Variants in SH3YL1 observed in about 807,000 individuals in gnomAD.
SH3YL1 encodes SH3 and SYLF domain containing 1, also known as SH3 domain-containing YSC84-like protein 1.
SH3YL1 carries 41 observed loss-of-function variants against 45.8 expected under a neutral mutation model. The ratio of observed to expected loss-of-function variants is 0.89; its 90% CI spans 0.70 to 1.16. The LOEUF (loss-of-function observed/expected upper bound fraction) is 1.16, where lower values mean the gene tolerates loss of function less well. Ranked by LOEUF, SH3YL1 falls within the 50% of genes most tolerant of loss-of-function variation. The pLI is 0.00. For missense variants in SH3YL1, 389 were observed against 409.6 expected (o/e 0.95, Z 0.43); for synonymous variants, 152 against 151.4 (o/e 1.00, Z -0.03).
intron 4 of SH3YL1, chr2:240,732 T>C (rs1182672965): frequency 6.6e-6 from 1 of 152,254 alleles, no homozygotes; most frequent in African/African-American, 2.4e-5. Flanking sequence ...GTAATACCAA[T>C]GGAGACAAAC....
intron 8 of SH3YL1, among the ~76,000 whole-genome samples, chr2:229,389 A>G (rs1302246553): frequency 6.6e-6 from 1 of 152,232 alleles, no homozygotes; most frequent in East Asian, 1.9e-4. Flanking sequence ...TGGCACAGAA[A>G]ATAAATGAGA....
At chr2:230,698 G>A (rs796286455) in intron 7 of SH3YL1, 8 of 302,886 alleles carry the variant, frequency 2.6e-5, no homozygotes, top group South Asian at 2.5e-4. Flanking sequence ...TGGTAGAGAG[G>A]GGGTTTTGCC....
intron 4 of SH3YL1, among the ~76,000 whole-genome samples, chr2:246,187 C>G (rs1387825426): frequency 6.7e-6 from 1 of 150,238 alleles, no homozygotes; most frequent in Admixed American, 6.6e-5. Flanking sequence ...AAGAGTGAAA[C>G]TCCATCTCAA....
At position 243,510 on chromosome 2, in the gene SH3YL1, T is replaced by C. The variant is rs865956213; in HGVS notation, c.291+4028A>G. The C allele has an allele frequency of 3.2e-6, 5 of 1,539,504 alleles. 1 individual carries two copies. In the Middle Eastern group the frequency reaches 8.4e-4, roughly 260 times the overall value. Reference sequence around the variant, plus strand: ...AATGAAGACACAACATACCCACACTTATGGAAGGCAGCCAGGGCAATGCTC... The same window carrying C: ...AATGAAGACACAACATACCCACACTCATGGAAGGCAGCCAGGGCAATGCTC... On this transcript the variant is annotated intron_variant, in intron 4 of 9. Transcript: ENST00000356150.
At chr2:242,581 A>G (rs1489201983) in intron 4 of SH3YL1, among the ~76,000 whole-genome samples, 3 of 152,304 alleles carry the variant, frequency 2.0e-5, no homozygotes, top group African/African-American at 7.2e-5. Flanking sequence ...TGAAAACAGT[A>G]AAGTGGAAAC....
chr2:218,923 G>T lies in SH3YL1; in HGVS notation c.917C>A (p.Ala306Asp), dbSNP rs1462633325. ...TGATATAACTGTGATTCTGTCTCCA[G>T]CTTGAAAATTCAAATCCCCAGGCTG... Reference protein sequence around the residue: ...GQQPGDLNFQAGDRITVISKT... With the variant: ...GQQPGDLNFQDGDRITVISKT... Residue 306 changes from alanine to aspartate, a missense_variant, in exon 10 of 10, where the codon GCT becomes GAT. Physicochemically the swap from Ala to Asp is moderately radical, Grantham distance 126 (BLOSUM62 -2). Coordinates refer to ENST00000356150, the MANE Select transcript of SH3YL1 (RefSeq NM_015677.4). 1 of 1,613,908 alleles carries T rather than the reference G, an allele frequency of 6.2e-7. No homozygotes were observed. Among genetic ancestry groups the T allele is most frequent in the Non-Finnish European group, 8.5e-7 (1 of 1,179,980 alleles).
At position 258,799 on chromosome 2, in the gene SH3YL1, G is replaced by C. The variant is rs1669467423; in HGVS notation, c.1+5185C>G. Among the ~76,000 whole-genome samples the C allele has an allele frequency of 2.6e-5, 4 of 152,294 alleles. 1 individual carries two copies. The South Asian group carries it at 8.3e-4, about 32-fold the overall frequency. ...CTGTCCCCAGCCTGATGCAAGCACTGTGAATAGTTCACCTCAAAGCTTCAT... is the reference window on the plus strand; with the variant it reads ...CTGTCCCCAGCCTGATGCAAGCACTCTGAATAGTTCACCTCAAAGCTTCAT... On this transcript the variant is annotated intron_variant, in intron 1 of 9. Coordinates refer to ENST00000356150, the MANE Select transcript of SH3YL1 (RefSeq NM_015677.4).
At position 224,919 on chromosome 2, in the gene SH3YL1, A is replaced by G. The variant is rs2290911; in HGVS notation, c.783T>C (p.Ser261=). 525,037 of 1,604,318 alleles carry G rather than the reference A, an allele frequency of 0.33. 88,725 individuals are homozygous for G. Among genetic ancestry groups the G allele is most frequent in the Non-Finnish European group, 0.35 (405,445 of 1,171,644 alleles). Residue 261 remains serine, a splice_region_variant and synonymous_variant, in exon 9 of 10, where the codon AGT becomes AGC. Coordinates refer to ENST00000356150, the MANE Select transcript of SH3YL1 (RefSeq NM_015677.4). Reference sequence around the variant, plus strand: ...GATAGAGCTTATATTCATTTCTGTTACCTGCCAAAAAAGAGGAGAGTGGTG... The same window carrying G: ...GATAGAGCTTATATTCATTTCTGTTGCCTGCCAAAAAAGAGGAGAGTGGTG... ...APVQLNSGSQ[S]NRNEYKLYPG... is the part of the protein sequence containing the mutation.
chr2:221,281 T>C (rs1373271104), intron 9 of SH3YL1, among the ~76,000 whole-genome samples: 8 of 152,332 alleles, frequency 5.3e-5, no homozygotes, highest in Admixed American at 2.6e-4. Flanking sequence ...GGGGGATTAA[T>C]GTGGTGACCT....
At chr2:263,952 G>T in intron 1 of SH3YL1, 32 bp downstream of exon 1, 1 of 1,492,220 alleles carries the variant, frequency 6.7e-7, no homozygotes, top group Non-Finnish European at 9.0e-7. Flanking sequence ...AGGGGAGGGT[G>T]CTGCCGGACA....
chr2:234,612 A>C (rs554396317), intron 4 of SH3YL1, among the ~76,000 whole-genome samples: 39 of 152,272 alleles, frequency 2.6e-4, no homozygotes, highest in Non-Finnish European at 4.1e-4. Flanking sequence ...AGTGCTAACA[A>C]GTCAAACAAA....
chr2:245,763 A>AG (rs1668770224), intron 4 of SH3YL1, among the ~76,000 whole-genome samples: 1 of 152,206 alleles, frequency 6.6e-6, no homozygotes, highest in Non-Finnish European at 1.5e-5. Context: ...CCCATGGCCC[A>AG]GGATGGTCTT....
intron 1 of SH3YL1, chr2:256,196 A>C (rs1572180003): frequency 6.6e-6 from 1 of 152,120 alleles, no homozygotes; most frequent in East Asian, 1.9e-4. Flanking sequence ...TGTCTAGCTT[A>C]TTTTACTCAC....
At chr2:248,194 G>A (rs1010673568) in intron 3 of SH3YL1, among the ~76,000 whole-genome samples, 1 of 152,010 alleles carries the variant, frequency 6.6e-6, no homozygotes. Flanking sequence ...GCCATGATAC[G>A]GCACATTTTA....
intron 1 of SH3YL1, chr2:260,434 G>A (rs1019211686): frequency 1.3e-5 from 2 of 152,318 alleles, no homozygotes; most frequent in Non-Finnish European, 2.9e-5. Context: ...ATTCCTTTTG[G>A]TGCCACAGCA....
At position 233,104 on chromosome 2, in the gene SH3YL1, C is replaced by T; in HGVS notation, c.530G>A (p.Arg177Lys). ...SCLIERKETN[R>K]KFYCQDIRAY... ...AATCACTTTAACTTGAACTGACTTTCTATTAGTTTCTTTCCTTTCAATCAA... is the reference window on the plus strand; with the variant it reads ...AATCACTTTAACTTGAACTGACTTTTTATTAGTTTCTTTCCTTTCAATCAA... The change falls in exon 6 of 10, where the codon AGA becomes AAA. Residue 177 changes from arginine to lysine, a missense_variant. By Grantham distance (26) the Arg-to-Lys change is conservative (BLOSUM62 2). Coordinates refer to ENST00000356150, the MANE Select transcript of SH3YL1 (RefSeq NM_015677.4). The T allele has an allele frequency of 6.4e-7, 1 of 1,564,438 alleles. No homozygotes were observed. The highest frequency in any genetic ancestry group is 8.7e-7 in the Non-Finnish European group (1 of 1,154,450).
At chr2:229,769 A>T in intron 8 of SH3YL1, 197 bp downstream of exon 8, 1 of 456,254 alleles carries the variant, frequency 2.2e-6, no homozygotes, top group Non-Finnish European at 4.0e-6. Context: ...TTATGAATAG[A>T]AAGAGAAGTT....
At chr2:227,126 G>A (rs940274656) in intron 8 of SH3YL1, among the ~76,000 whole-genome samples, 1 of 152,028 alleles carries the variant, frequency 6.6e-6, no homozygotes, top group Non-Finnish European at 1.5e-5. Flanking sequence ...TATATATGGT[G>A]GGGAGTATAT....
At chr2:226,384 T>C (rs1420320077) in intron 8 of SH3YL1, among the ~76,000 whole-genome samples, 1 of 152,086 alleles carries the variant, frequency 6.6e-6, no homozygotes, top group East Asian at 1.9e-4. Context: ...ACCAATGAAA[T>C]GAAGAGACTT....
Sources: allele counts gnomAD v4.1 joint callset (sites outside exome capture counted in the v4.1 genomes callset), GRCh38; gene constraint gnomAD v4.1.1; transcripts MANE v1.5; gene names NCBI Gene and HGNC (gene_info 2026-07-23, HGNC 2026-07-21).